Variants in ANK3 observed in about 807,000 individuals in gnomAD.
ANK3 encodes the protein ankyrin 3.
A neutral mutation model predicts 370.9 loss-of-function variants in ANK3; 57 were observed. That is an observed-to-expected ratio of 0.15 (90% CI 0.12 to 0.19). The LOEUF is 0.19. ANK3 is among the 10% of genes least tolerant of loss of function. The pLI is 1.00. For missense variants in ANK3, 4,439 were observed against 5,302.1 expected, an observed-to-expected ratio of 0.84 and a Z score of 5.06; for synonymous variants, 1,929 against 1,946.3, an observed-to-expected ratio of 0.99 and a Z score of 0.23.
chr10:60,273,004 GA>G (rs759364375), intron 4 of ANK3, among the ~76,000 whole-genome samples: 1 of 152,124 alleles, frequency 6.6e-6, no homozygotes, highest in African/African-American at 2.4e-5. Context: ...GATCCATGAA[GA>G]AAGCCCAGAC....
At chr10:60,416,759 T>G (rs950474681) in intron 2 of ANK3, among the ~76,000 whole-genome samples, 1 of 152,222 alleles carries the variant, frequency 6.6e-6, no homozygotes, top group African/African-American at 2.4e-5. Flanking sequence ...AGCTACCATA[T>G]TAGACAGCAT....
intron 41 of ANK3, among the ~76,000 whole-genome samples, chr10:60,056,463 T>C (rs1342869044): frequency 6.6e-6 from 1 of 152,122 alleles, no homozygotes; most frequent in African/African-American, 2.4e-5. Context: ...AGTGAGACTC[T>C]GTCTCAAAAT....
chr10:60,644,140 TGGA>T (rs554302478), intron 1 of ANK3, among the ~76,000 whole-genome samples: 24 of 152,182 alleles, frequency 1.6e-4, no homozygotes, highest in Non-Finnish European at 3.2e-4. Flanking sequence ...GCTTATCTGT[TGGA>T]GAAGAGAGTA....
At chr10:60,564,646 T>C (rs745345830) in intron 2 of ANK3, among the ~76,000 whole-genome samples, 9 of 152,060 alleles carry the variant, frequency 5.9e-5, no homozygotes, top group Non-Finnish European at 1.0e-4. Flanking sequence ...GACTCGCCCT[T>C]AAAAAATGAA....
At chr10:60,244,630 A>G (rs1173029513) in intron 7 of ANK3, among the ~76,000 whole-genome samples, 1 of 152,176 alleles carries the variant, frequency 6.6e-6, no homozygotes, top group Admixed American at 6.5e-5. Flanking sequence ...ATGTTTTCTC[A>G]TTCTATTTTC....
At chr10:60,214,743 C>A (rs1171491921) in intron 8 of ANK3, among the ~76,000 whole-genome samples, 1 of 152,058 alleles carries the variant, frequency 6.6e-6, no homozygotes, top group Admixed American at 6.6e-5. Flanking sequence ...TACCACATTT[C>A]CTTTCTCCAG....
chr10:60,185,598 C>A (rs923199219), intron 17 of ANK3, among the ~76,000 whole-genome samples: 1 of 152,108 alleles, frequency 6.6e-6, no homozygotes, highest in Non-Finnish European at 1.5e-5. Flanking sequence ...ATTTTGCAAC[C>A]CTACTCCAAT....
At chr10:60,218,116 T>TTTTTTTTTTC (rs2096974618) in intron 8 of ANK3, among the ~76,000 whole-genome samples, 1 of 137,342 alleles carries the variant, frequency 7.3e-6, no homozygotes, top group Non-Finnish European at 1.6e-5. Context: ...TTTTTTTTTT[T>TTTTTTTTTTC]TGCTTTCCAT....
intron 2 of ANK3, among the ~76,000 whole-genome samples, chr10:60,423,465 CT>C (rs1258262991): frequency 1.3e-5 from 2 of 150,978 alleles, no homozygotes; most frequent in Non-Finnish European, 3.0e-5. Flanking sequence ...ATTACCAGGA[CT>C]TTTTAATAAT....
intron 6 of ANK3, 47 bp downstream of exon 6, chr10:60,263,788 C>T (rs1566081068): frequency 1.2e-6 from 2 of 1,609,048 alleles, no homozygotes. Flanking sequence ...GGTTGTGTGT[C>T]TAACACCGGA....
intron 2 of ANK3, among the ~76,000 whole-genome samples, chr10:60,551,603 G>GCTATTGCTTATGAAATA (rs1340543275): frequency 6.6e-6 from 1 of 152,058 alleles, no homozygotes; most frequent in Non-Finnish European, 1.5e-5. Context: ...CATGTAAGAT[G>GCTATTGCTTATGAAATA]CTATTGCTTA....
At chr10:60,052,666 C>T (rs972723460) in intron 42 of ANK3, among the ~76,000 whole-genome samples, 1 of 151,974 alleles carries the variant, frequency 6.6e-6, no homozygotes, top group Non-Finnish European at 1.5e-5. Flanking sequence ...CACTTAGATG[C>T]CATGGGGAAG....
At chr10:60,059,310 T>G in intron 41 of ANK3, 30 bp downstream of exon 41, 1 of 1,557,124 alleles carries the variant, frequency 6.4e-7, no homozygotes, top group Non-Finnish European at 8.9e-7. Context: ...GTAACCTGTG[T>G]TCACTTTCCT....
rs1236758615 is a variant in ANK3, at chr10:60,389,448, G to A, written c.91C>T (p.Arg31Trp). Residue 31 changes from arginine (R) to tryptophan (W), a missense_variant, in exon 1 of 44, where the codon CGG becomes TGG. Arg to Trp is a moderately radical substitution (Grantham distance 101). Coordinates refer to ENST00000280772, the MANE Select transcript of ANK3 (RefSeq NM_020987.5). ...ACCTTTTTCTTCCGATCCCGGGACCGTTTGCGGTGTTTCCTTTTTTTCTCA... is the reference window on the plus strand; with the variant it reads ...ACCTTTTTCTTCCGATCCCGGGACCATTTGCGGTGTTTCCTTTTTTTCTCA... Reference protein sequence around the residue: ...EPEKKRKHRKRSRDRKKKSDA... With the variant: ...EPEKKRKHRKWSRDRKKKSDA... 5.0e-6 allele frequency: 8 copies of A among 1,613,876 alleles called. No individual in the cohort carries two copies. Among genetic ancestry groups the A allele is most frequent in the Non-Finnish European group, 5.9e-6 (7 of 1,179,940 alleles).
At chr10:60,658,769 C>T (rs978645730) in intron 1 of ANK3, among the ~76,000 whole-genome samples, 7 of 151,254 alleles carry the variant, frequency 4.6e-5, no homozygotes, top group African/African-American at 1.7e-4. Flanking sequence ...TTGCATTTCT[C>T]TAAAGATTAT....
intron 1 of ANK3, among the ~76,000 whole-genome samples, chr10:60,288,697 A>G (rs1052390927): frequency 3.9e-5 from 6 of 152,168 alleles, no homozygotes; most frequent in African/African-American, 1.4e-4. Flanking sequence ...ACACCAGATA[A>G]ATCTGATTTA....
At chr10:60,549,140 TACACAC>T (rs3047236) in intron 2 of ANK3, among the ~76,000 whole-genome samples, 1,836 of 145,544 alleles carry the variant, frequency 0.013, 20 homozygotes, top group Admixed American at 0.025. Context: ...GCATGTTTCA[TACACAC>T]ACACACACAC....
intron 2 of ANK3, among the ~76,000 whole-genome samples, chr10:60,471,040 A>AT (rs2065205902): frequency 6.6e-6 from 1 of 152,118 alleles, no homozygotes; most frequent in Admixed American, 6.6e-5. Context: ...CATTGAAACA[A>AT]TATCAATATT....
At chr10:60,683,301 A>G (rs921128141) in intron 1 of ANK3, among the ~76,000 whole-genome samples, 5 of 152,240 alleles carry the variant, frequency 3.3e-5, no homozygotes, top group South Asian at 2.1e-4. Flanking sequence ...AAATTATTCA[A>G]TAAGTGCTGA....
Sources: allele counts gnomAD v4.1 joint callset (sites outside exome capture counted in the v4.1 genomes callset), GRCh38; gene constraint gnomAD v4.1.1; transcripts MANE v1.5; gene names NCBI Gene and HGNC (gene_info 2026-07-23, HGNC 2026-07-21).